Variants in DACH1 observed in about 807,000 individuals in gnomAD.
The protein encoded by DACH1 is dachshund family transcription factor 1.
In DACH1, 12 loss-of-function variants were observed where a neutral mutation model predicts 54.2. That is an observed-to-expected ratio of 0.22 (90% CI 0.14 to 0.36). The LOEUF (loss-of-function observed/expected upper bound fraction) is 0.36. DACH1 is among the 10% of genes least tolerant of loss of function. The probability of loss-of-function intolerance (pLI) is 1.00; values close to 1 mark genes in which losing one functional copy is unlikely to be tolerated. For synonymous variants in DACH1, 386 were observed against 366.2 expected (o/e 1.05, Z -0.62); for missense variants, 805 against 929.8 (o/e 0.87, Z 1.75).
intron 6 of DACH1, among the ~76,000 whole-genome samples, chr13:71,537,968 C>A (rs3861112): frequency 0.12 from 17,710 of 152,016 alleles, 2,344 homozygotes; most frequent in African/African-American, 0.32. Flanking sequence ...GTTTAAATAT[C>A]ACCCACAAAA....
chr13:71,623,962 C>T (rs1011436683), intron 3 of DACH1, among the ~76,000 whole-genome samples: 219 of 151,976 alleles, frequency 1.4e-3, no homozygotes, highest in African/African-American at 5.2e-3. Flanking sequence ...TCACATTAGA[C>T]TCTAATTCAA....
chr13:71,499,583 C>T (rs1879740893), intron 6 of DACH1, among the ~76,000 whole-genome samples: 1 of 152,108 alleles, frequency 6.6e-6, no homozygotes, highest in Non-Finnish European at 1.5e-5. Context: ...TGGTAAAATG[C>T]TTCCCAAAAG....
chr13:71,675,227 A>C, intron 2 of DACH1: 7 of 1,573,166 alleles, frequency 4.4e-6, no homozygotes, highest in Non-Finnish European at 6.1e-6. Flanking sequence ...GTTAGACGTT[A>C]TCAGAAGTCC....
At chr13:71,755,331 C>T in intron 1 of DACH1, among the ~76,000 whole-genome samples, 1 of 152,066 alleles carries the variant, frequency 6.6e-6, no homozygotes, top group South Asian at 2.1e-4. Flanking sequence ...AAACATGGAC[C>T]CCAATCAGAA....
chr13:71,640,816 C>T (rs1454336924), intron 2 of DACH1, among the ~76,000 whole-genome samples: 2 of 151,978 alleles, frequency 1.3e-5, no homozygotes, highest in East Asian at 3.9e-4. Context: ...GGTGATAGTT[C>T]AGGCAATATA....
At chr13:71,653,209 C>A (rs1169843029) in intron 2 of DACH1, among the ~76,000 whole-genome samples, 1 of 152,232 alleles carries the variant, frequency 6.6e-6, no homozygotes, top group East Asian at 1.9e-4. Context: ...ACAATAAACC[C>A]CGCCCCTAAA....
intron 1 of DACH1, among the ~76,000 whole-genome samples, chr13:71,682,570 CAAGTT>C (rs940444296): frequency 1.3e-5 from 2 of 152,112 alleles, no homozygotes; most frequent in African/African-American, 4.8e-5. Context: ...AAAGATAAGT[CAAGTT>C]ATCATTTAAC....
In DACH1 at chr13:71,824,113, T is replaced by C. The variant is rs138102949; in HGVS notation, c.848+41809A>G. On this transcript the variant is annotated intron_variant, in intron 1 of 10. Coordinates refer to ENST00000613252, the MANE Select transcript of DACH1 (RefSeq NM_080759.6). Reference sequence around the variant, plus strand: ...TTTAAAAAATAATATAGAATATGTGTTACCTACGTTGAGACTCTTCAACAG... The same window carrying C: ...TTTAAAAAATAATATAGAATATGTGCTACCTACGTTGAGACTCTTCAACAG... Among the ~76,000 whole-genome samples, 384 of 152,038 alleles carry C rather than the reference T, an allele frequency of 2.5e-3. 2 individuals carry two copies. The highest frequency in any genetic ancestry group is 8.8e-3 in the African/African-American group (367 of 41,550).
intron 2 of DACH1, among the ~76,000 whole-genome samples, chr13:71,638,675 A>T (rs1050341868): frequency 6.6e-6 from 1 of 152,164 alleles, no homozygotes; most frequent in Admixed American, 6.5e-5. Context: ...AATTACTTCA[A>T]CCAGAGCAAT....
Position 71,866,852 on chromosome 13 carries a change from G to T in DACH1, c.-83C>A, listed in dbSNP as rs965003281. The T allele has an allele frequency of 4.5e-6, 5 of 1,117,680 alleles. No individual in the cohort carries two copies. Among genetic ancestry groups the T allele is most frequent in the Middle Eastern group, 2.5e-4 (1 of 4,042 alleles). 69.2% of individuals were successfully genotyped at this position (1,117,680 alleles called of 1,614,324 possible). ...CCCCGGGAGGGGAAGGGGAAAAAAG[G>T]GGGGAGAAGGAGCGAGGGGGGCAAC... On this transcript the variant is annotated 5_prime_UTR_variant, in exon 1 of 11. Coordinates refer to ENST00000613252, the MANE Select transcript of DACH1 (RefSeq NM_080759.6).
Position 71,666,880 on chromosome 13 carries a change from G to A in DACH1, c.964+14915C>T, listed in dbSNP as rs534849759. The stretch of plus-strand genomic sequence containing the variant: ...GCCTGTAATCTCAGCTACTTGGGAG[G>A]CAGGAGAATTGCTTGAATCTGGAAG... On this transcript the variant is annotated intron_variant, in intron 2 of 10. Coordinates refer to ENST00000613252, the MANE Select transcript of DACH1 (RefSeq NM_080759.6). 2.6e-4 allele frequency among the ~76,000 whole-genome samples: 39 copies of A among 152,194 alleles called. No individual in the cohort carries two copies. The East Asian group carries it at 6.8e-3, about 26-fold the overall frequency.
chr13:71,775,126 G>A (rs1886009381), intron 1 of DACH1, among the ~76,000 whole-genome samples: 1 of 62,662 alleles, frequency 1.6e-5, no homozygotes, highest in African/African-American at 6.7e-5. Context: ...CTCAACACAA[G>A]CTTTTTTTTT....
intron 6 of DACH1, among the ~76,000 whole-genome samples, chr13:71,519,902 T>TATATATATATATATATATATAG (rs1224663057): frequency 7.4e-6 from 1 of 135,350 alleles, no homozygotes; most frequent in East Asian, 2.2e-4. Flanking sequence ...TATATATATA[T>TATATATATATATATATATATAG]ATATATCCTA....
At chr13:71,592,494 C>CAAAAA (rs575364116) in intron 3 of DACH1, among the ~76,000 whole-genome samples, 624 of 28,302 alleles carry the variant, frequency 0.022, no homozygotes, top group Non-Finnish European at 0.033. Flanking sequence ...GACTCTATCT[C>CAAAAA]AAAAAAAAAA....
At chr13:71,825,482 C>T (rs918450972) in intron 1 of DACH1, among the ~76,000 whole-genome samples, 1 of 152,106 alleles carries the variant, frequency 6.6e-6, no homozygotes, top group Non-Finnish European at 1.5e-5. Context: ...ATCCCTAGAC[C>T]TAGGCAATCA....
At chr13:71,734,869 CCCCATATACATATACGTATAT>C (rs1165879276) in intron 1 of DACH1, among the ~76,000 whole-genome samples, 2 of 143,590 alleles carry the variant, frequency 1.4e-5, no homozygotes, top group East Asian at 2.1e-4. Context: ...TATACGTATA[CCCCATATACATATACGTATAT>C]CCCATATACA....
chr13:71,610,711 T>C (rs1875265863), intron 3 of DACH1, among the ~76,000 whole-genome samples: 1 of 152,168 alleles, frequency 6.6e-6, no homozygotes. Context: ...GACATCTCTT[T>C]AAGCTTGGTG....
At chr13:71,599,213 A>G (rs1314097128) in intron 3 of DACH1, among the ~76,000 whole-genome samples, 2 of 152,180 alleles carry the variant, frequency 1.3e-5, no homozygotes, top group Admixed American at 1.3e-4. Context: ...GGACTGCACT[A>G]TTCACATGTT....
At chr13:71,486,191 C>A (rs2138196851) in intron 7 of DACH1, among the ~76,000 whole-genome samples, 1 of 151,780 alleles carries the variant, frequency 6.6e-6, no homozygotes, top group South Asian at 2.1e-4. Flanking sequence ...ATCATTAGAA[C>A]AATAACACTT....
Sources: allele counts gnomAD v4.1 joint callset (sites outside exome capture counted in the v4.1 genomes callset), GRCh38; gene constraint gnomAD v4.1.1; transcripts MANE v1.5; gene names NCBI Gene and HGNC (gene_info 2026-07-23, HGNC 2026-07-21).